Variants in USP32 observed in about 807,000 individuals in gnomAD.
USP32 encodes the protein ubiquitin specific peptidase 32, also known as ubiquitin carboxyl-terminal hydrolase 32.
USP32 carries 59 observed loss-of-function variants against 204.8 expected under a neutral mutation model. The observed-to-expected ratio is 0.29, with a 90% CI of 0.23 to 0.36. The LOEUF is 0.36. USP32 is among the 10% of genes least tolerant of loss of function. The pLI, the probability that USP32 is intolerant of heterozygous loss-of-function variation, is 1.00. For missense variants in USP32, 1,160 were observed against 1,946.4 expected (o/e 0.60, Z 7.60); for synonymous variants, 517 against 678.4 (o/e 0.76, Z 3.70).
intron 2 of USP32, among the ~76,000 whole-genome samples, chr17:60,325,012 C>T (rs1296865954): frequency 6.6e-6 from 1 of 151,824 alleles, no homozygotes; most frequent in African/African-American, 2.4e-5. Context: ...TCAAAAAAAA[C>T]AAAAAACTGT....
intron 5 of USP32, among the ~76,000 whole-genome samples, chr17:60,278,099 C>G (rs2145812998): frequency 6.6e-6 from 1 of 152,006 alleles, no homozygotes; most frequent in South Asian, 2.1e-4. Context: ...TAGAGACGGG[C>G]CTTGCTGTTT....
intron 1 of USP32, among the ~76,000 whole-genome samples, chr17:60,348,744 G>C (rs1183586036): frequency 1.3e-5 from 2 of 151,978 alleles, no homozygotes; most frequent in African/African-American, 4.8e-5. Context: ...CTCTAGCCTG[G>C]GTGACAGAGC....
chr17:60,238,282 T>C (rs1200284800), intron 11 of USP32, among the ~76,000 whole-genome samples: 3 of 152,214 alleles, frequency 2.0e-5, no homozygotes, highest in Non-Finnish European at 1.5e-5. Flanking sequence ...GAGTTCTTTA[T>C]ATATTCTAGT....
intron 2 of USP32, among the ~76,000 whole-genome samples, chr17:60,320,998 C>T (rs193132035): frequency 2.0e-5 from 3 of 152,100 alleles, no homozygotes; most frequent in East Asian, 3.9e-4. Flanking sequence ...AGCTTGGCTC[C>T]GGATACAGAC....
Position 60,232,654 on chromosome 17 carries a change from C to T in USP32, c.1239+3484G>A, listed in dbSNP as rs573829342. 1.8e-4 allele frequency among the ~76,000 whole-genome samples: 27 copies of T among 149,802 alleles called. No homozygotes were observed. The South Asian group carries it at 5.7e-3, about 32-fold the overall frequency. On this transcript the variant is annotated intron_variant, in intron 12 of 33. Coordinates refer to ENST00000300896, the MANE Select transcript of USP32 (RefSeq NM_032582.4). ...CTCTGCCTCCTAGGTTCGAGCTATT[C>T]TTGTGTCTCAGCCTCCTGAGTAGCT... is the stretch of plus-strand genomic sequence containing the variant.
intron 1 of USP32, among the ~76,000 whole-genome samples, chr17:60,418,514 G>T (rs972745214): frequency 6.6e-6 from 1 of 151,518 alleles, no homozygotes; most frequent in Non-Finnish European, 1.5e-5. Flanking sequence ...TGACTAATGG[G>T]ATCTAATTAA....
At chr17:60,326,910 T>C (rs1236436438) in intron 2 of USP32, among the ~76,000 whole-genome samples, 2 of 152,186 alleles carry the variant, frequency 1.3e-5, no homozygotes, top group East Asian at 1.9e-4. Context: ...CAGTCTTACG[T>C]AGATGCTAAA....
chr17:60,214,795 G>A, intron 16 of USP32, 21 bp from the exon 17 acceptor site: 1 of 1,613,878 alleles, frequency 6.2e-7, no homozygotes. Context: ...AGTAATCACA[G>A]TAAGAAAAAA....
intron 11 of USP32, chr17:60,249,850 A>T: frequency 3.1e-6 from 2 of 636,966 alleles, no homozygotes; most frequent in African/African-American, 1.9e-5. Flanking sequence ...AAATCACGAT[A>T]CTTTTTTTTT....
intron 9 of USP32, among the ~76,000 whole-genome samples, chr17:60,264,224 T>C (rs2086527940): frequency 6.6e-6 from 1 of 151,834 alleles, no homozygotes; most frequent in South Asian, 2.1e-4. Context: ...CACAACCATT[T>C]AAAAAAATTT....
intron 27 of USP32, among the ~76,000 whole-genome samples, chr17:60,196,123 C>T (rs549228655): frequency 1.3e-5 from 2 of 151,880 alleles, no homozygotes; most frequent in Admixed American, 6.6e-5. Flanking sequence ...AAAAATTAGC[C>T]GAGTGTGGTG....
chr17:60,211,226 C>T (rs1220159490), intron 20 of USP32, 108 bp from the exon 21 acceptor site: 2 of 1,502,822 alleles, frequency 1.3e-6, no homozygotes, highest in East Asian at 2.3e-5. Context: ...CTTTTTGAAA[C>T]AAGAGATGTA....
At chr17:60,259,556 G>A (rs1460925669) in intron 9 of USP32, among the ~76,000 whole-genome samples, 5 of 152,150 alleles carry the variant, frequency 3.3e-5, no homozygotes, top group East Asian at 1.9e-4. Context: ...TGGAATAAGC[G>A]GGTTGGAAAT....
intron 4 of USP32, among the ~76,000 whole-genome samples, chr17:60,290,267 A>T (rs937389583): frequency 1.3e-5 from 2 of 152,044 alleles, no homozygotes; most frequent in East Asian, 3.9e-4. Flanking sequence ...CATATGTAAC[A>T]CTCCCATTTT....
At chr17:60,404,539 A>C (rs2031604444) in intron 1 of USP32, among the ~76,000 whole-genome samples, 1 of 152,124 alleles carries the variant, frequency 6.6e-6, no homozygotes, top group Admixed American at 6.6e-5. Context: ...TCTAGGAGAA[A>C]CCGTCTTTGA....
At chr17:60,246,399 G>GTA (rs1036551648) in intron 11 of USP32, among the ~76,000 whole-genome samples, 91 of 147,744 alleles carry the variant, frequency 6.2e-4, no homozygotes, top group African/African-American at 1.3e-3. Flanking sequence ...ATGTGTGTGT[G>GTA]TATATATATA....
intron 2 of USP32, among the ~76,000 whole-genome samples, chr17:60,303,531 T>TAA (rs59794615): frequency 1.4e-5 from 2 of 139,196 alleles, no homozygotes; most frequent in African/African-American, 5.2e-5. Context: ...CCCTAACCCC[T>TAA]AAAAAAAAAA....
At chr17:60,405,249 C>T (rs2089966655) in intron 1 of USP32, among the ~76,000 whole-genome samples, 1 of 152,114 alleles carries the variant, frequency 6.6e-6, no homozygotes, top group Non-Finnish European at 1.5e-5. Context: ...GTCACCCAGG[C>T]TGGAGTGCAG....
chr17:60,230,958 T>C (rs1489701282), intron 12 of USP32, among the ~76,000 whole-genome samples: 1 of 152,218 alleles, frequency 6.6e-6, no homozygotes, highest in Non-Finnish European at 1.5e-5. Context: ...GTTTTGTTTT[T>C]ATTGACTTCA....
Sources: gnomAD v4.1 joint callset for allele counts (sites outside exome capture counted in the v4.1 genomes callset) on GRCh38, gnomAD v4.1.1 for gene constraint, MANE v1.5 for transcripts, NCBI Gene and HGNC (gene_info 2026-07-23, HGNC 2026-07-21) for gene names.